ASTN2: variants seen among roughly 807,000 people sequenced by gnomAD.
The protein encoded by ASTN2 is astrotactin 2, also known as astrotactin-2.
ASTN2 carries 54 observed loss-of-function variants against 139.8 expected under a neutral mutation model. The observed-to-expected ratio is 0.39, with a 90% CI of 0.31 to 0.48. The LOEUF (loss-of-function observed/expected upper bound fraction) is 0.48. Ranked by LOEUF, ASTN2 falls within the 20% of genes least tolerant of loss-of-function variation. The pLI, the probability that ASTN2 is intolerant of heterozygous loss-of-function variation, is 0.95. For missense variants in ASTN2, 1,565 were observed against 1,725.1 expected (o/e 0.91, Z 1.64); for synonymous variants, 756 against 719.5 (o/e 1.05, Z -0.81).
chr9:116,779,107 A>T (rs1830154985), intron 13 of ASTN2, among the ~76,000 whole-genome samples: 1 of 43,092 alleles, frequency 2.3e-5, no homozygotes, highest in Non-Finnish European at 8.8e-5. Context: ...AATTCCTACC[A>T]CTCTCCCCAT....
chr9:116,839,492 C>G (rs1832125481), intron 11 of ASTN2, among the ~76,000 whole-genome samples: 1 of 151,510 alleles, frequency 6.6e-6, no homozygotes, highest in Admixed American at 6.6e-5. Context: ...TTCATGTACT[C>G]CTTTTGAGAC....
At chr9:117,096,904 C>G (rs1405752476) in intron 4 of ASTN2, among the ~76,000 whole-genome samples, 1 of 152,164 alleles carries the variant, frequency 6.6e-6, no homozygotes, top group Non-Finnish European at 1.5e-5. Context: ...GCCATGTGGG[C>G]AGTCAGGGGC....
intron 20 of ASTN2, among the ~76,000 whole-genome samples, chr9:116,462,821 T>C (rs947745936): frequency 6.6e-6 from 1 of 151,534 alleles, no homozygotes; most frequent in African/African-American, 2.4e-5. Flanking sequence ...TGTGTGTGTG[T>C]GTGTGTGTGT....
In ASTN2 at chr9:117,266,497, C is replaced by A. The variant is rs113232093; in HGVS notation, c.630+24829G>T. Among the ~76,000 whole-genome samples, 422 of 152,248 alleles carry A rather than the reference C, an allele frequency of 2.8e-3. 3 individuals are homozygous for A. The highest frequency in any genetic ancestry group is 9.5e-3 in the African/African-American group (393 of 41,544). On this transcript the variant is annotated intron_variant, in intron 2 of 22. Coordinates refer to ENST00000313400, the MANE Select transcript of ASTN2 (RefSeq NM_001365068.1). ...AAGAGCCACCATCAACATTAGAATG[C>A]GAAGGTTACTGACAGTGCCATGGAG...
chr9:117,246,311 GT>G (rs1191520447), intron 2 of ASTN2, among the ~76,000 whole-genome samples: 1 of 152,132 alleles, frequency 6.6e-6, no homozygotes, highest in African/African-American at 2.4e-5. Context: ...TCCCTCATTT[GT>G]TGTAATTAAG....
intron 2 of ASTN2, among the ~76,000 whole-genome samples, chr9:117,290,464 A>G (rs530291967): frequency 4.5e-4 from 69 of 152,354 alleles, no homozygotes; most frequent in African/African-American, 1.6e-3. Context: ...TTCTGGGTGG[A>G]GGCAGCAGAC....
Position 117,110,263 on chromosome 9 carries a change from C to T in ASTN2, c.1169-14112G>A, listed in dbSNP as rs182741972. ...GCAATTTGGCAATATAAAAAAGAAC[C>T]TTAAAAAATGCCCATCCATTTTGAC... On this transcript the variant is annotated intron_variant, in intron 4 of 22. Coordinates refer to ENST00000313400, the MANE Select transcript of ASTN2 (RefSeq NM_001365068.1). Among the ~76,000 whole-genome samples the T allele has an allele frequency of 4.4e-3, 665 of 152,156 alleles. 7 individuals are homozygous for T. Among genetic ancestry groups the T allele is most frequent in the African/African-American group, 0.015 (640 of 41,524 alleles).
At chr9:116,660,962 GC>G (rs1858523079) in intron 16 of ASTN2, among the ~76,000 whole-genome samples, 1 of 152,048 alleles carries the variant, frequency 6.6e-6, no homozygotes. Flanking sequence ...AGGGATTGTT[GC>G]CCCCTTTTAC....
intron 4 of ASTN2, among the ~76,000 whole-genome samples, chr9:117,116,604 A>G (rs1210179632): frequency 6.6e-6 from 1 of 150,660 alleles, no homozygotes; most frequent in Admixed American, 6.6e-5. Flanking sequence ...TTAATTCTGC[A>G]CAATGCTAGT....
chr9:116,762,486 A>T (rs1386830758), intron 13 of ASTN2, among the ~76,000 whole-genome samples: 1 of 152,222 alleles, frequency 6.6e-6, no homozygotes, highest in African/African-American at 2.4e-5. Flanking sequence ...ACCTGTCATG[A>T]TCCCCACTTT....
intron 15 of ASTN2, among the ~76,000 whole-genome samples, chr9:116,728,370 T>C (rs745774180): frequency 2.6e-5 from 4 of 151,536 alleles, no homozygotes; most frequent in Non-Finnish European, 5.9e-5. Flanking sequence ...CAGAGTAATA[T>C]AGTATATGTT....
chr9:116,840,333 C>G (rs916502688), intron 11 of ASTN2, among the ~76,000 whole-genome samples: 1 of 151,306 alleles, frequency 6.6e-6, no homozygotes, highest in African/African-American at 2.4e-5. Context: ...ACCTTTCCCC[C>G]CTTTCTATTC....
At chr9:116,941,862 G>A (rs1173704417) in intron 10 of ASTN2, among the ~76,000 whole-genome samples, 1 of 151,868 alleles carries the variant, frequency 6.6e-6, no homozygotes, top group Non-Finnish European at 1.5e-5. Context: ...TATTGGATCA[G>A]TACTACCAAA....
chr9:116,552,008 T>TACATATACATAC (rs577740559), intron 19 of ASTN2: 6 of 108,568 alleles, frequency 5.5e-5, no homozygotes, highest in South Asian at 2.5e-4. Flanking sequence ...CATATACATA[T>TACATATACATAC]ACATACACAT....
chr9:116,627,034 T>C (rs969927787), intron 17 of ASTN2, among the ~76,000 whole-genome samples: 1 of 152,202 alleles, frequency 6.6e-6, no homozygotes, highest in African/African-American at 2.4e-5. Context: ...TCCTTAGGAA[T>C]GAAACAAGAC....
chr9:116,805,109 A>AGTGT (rs10681699), intron 13 of ASTN2, among the ~76,000 whole-genome samples: 34,000 of 142,756 alleles, frequency 0.24, 4,032 homozygotes, highest in South Asian at 0.27. Flanking sequence ...GGATTTGGGG[A>AGTGT]GTGTGTGTGT....
chr9:117,244,352 A>G (rs1185675736), intron 2 of ASTN2, among the ~76,000 whole-genome samples: 2 of 152,154 alleles, frequency 1.3e-5, no homozygotes, highest in Non-Finnish European at 2.9e-5. Flanking sequence ...TATACATACT[A>G]GGAGAAAAGC....
At chr9:117,058,143 C>A (rs1259637416) in intron 5 of ASTN2, among the ~76,000 whole-genome samples, 1 of 152,128 alleles carries the variant, frequency 6.6e-6, no homozygotes, top group South Asian at 2.1e-4. Flanking sequence ...TCTCTAACAC[C>A]AAACCTGGTA....
At chr9:116,571,753 C>A (rs998717206) in intron 19 of ASTN2, among the ~76,000 whole-genome samples, 1 of 152,060 alleles carries the variant, frequency 6.6e-6, no homozygotes, top group Admixed American at 6.6e-5. Flanking sequence ...GGCATGCTAT[C>A]CCCATGGTGT....
Sources: allele counts gnomAD v4.1 joint callset (sites outside exome capture counted in the v4.1 genomes callset), GRCh38; gene constraint gnomAD v4.1.1; transcripts MANE v1.5; gene names NCBI Gene and HGNC (gene_info 2026-07-23, HGNC 2026-07-21).